NEK7: variants seen among roughly 807,000 people sequenced by gnomAD.
The protein encoded by NEK7 is serine/threonine-protein kinase Nek7.
A neutral mutation model predicts 44.6 loss-of-function variants in NEK7; 18 were observed. The observed-to-expected ratio is 0.40, with a 90% confidence interval of 0.28 to 0.60. The LOEUF is 0.60. Ranked by LOEUF, NEK7 falls within the 20% of genes least tolerant of loss-of-function variation. NEK7 has a pLI of 0.38. For missense variants in NEK7, 256 were observed against 366.5 expected (o/e 0.70, Z 2.46); for synonymous variants, 130 against 121.1 (o/e 1.07, Z -0.48).
At chr1:198,236,502 C>T (rs565721037) in intron 2 of NEK7, among the ~76,000 whole-genome samples, 2 of 152,186 alleles carry the variant, frequency 1.3e-5, no homozygotes, top group Non-Finnish European at 2.9e-5. Context: ...TCCCTACTTT[C>T]CTGGCTCCAA....
rs538439855 is a variant in NEK7 at position 198,271,018 on chromosome 1, A to T, written c.372+6783A>T. ...GTTCCTACTTCCCTCCTGGTTGTCA[A>T]CTGGGGGTATCCTTAGGTTCTTGAG... On this transcript the variant is annotated intron_variant, in intron 5 of 9. Coordinates refer to ENST00000367385, the MANE Select transcript of NEK7 (RefSeq NM_133494.3). Among the ~76,000 whole-genome samples the T allele has an allele frequency of 2.0e-5, 3 of 152,098 alleles. No homozygotes were observed. The South Asian group carries it at 6.2e-4, about 32-fold the overall frequency.
At chr1:198,206,264 A>G (rs761290860) in intron 1 of NEK7, among the ~76,000 whole-genome samples, 17 of 152,200 alleles carry the variant, frequency 1.1e-4, no homozygotes, top group South Asian at 2.1e-4. Flanking sequence ...GGAGTGAGTT[A>G]CAGTAATAAC....
intron 3 of NEK7, 58 bp downstream of exon 3, chr1:198,253,238 G>A: frequency 8.5e-7 from 1 of 1,174,604 alleles, no homozygotes; most frequent in Non-Finnish European, 1.2e-6. Flanking sequence ...AATTATAGAT[G>A]AGAAAAGTAT....
chr1:198,223,352 G>A (rs1333656311), intron 1 of NEK7, among the ~76,000 whole-genome samples: 2 of 152,170 alleles, frequency 1.3e-5, no homozygotes, highest in Admixed American at 6.5e-5. Context: ...TAGAACAAAT[G>A]ATGCATACTG....
intron 1 of NEK7, among the ~76,000 whole-genome samples, chr1:198,169,114 T>G (rs1320837022): frequency 2.6e-5 from 4 of 152,194 alleles, no homozygotes; most frequent in Non-Finnish European, 4.4e-5. Flanking sequence ...GCTCTATGTG[T>G]TAGTTTTTAA....
chr1:198,285,549 G>T (rs911816762), intron 7 of NEK7, among the ~76,000 whole-genome samples: 1 of 152,020 alleles, frequency 6.6e-6, no homozygotes, highest in Non-Finnish European at 1.5e-5. Flanking sequence ...ATCAACATAC[G>T]TTTTTGTGAT....
chr1:198,304,059 A>G (rs957708901), intron 9 of NEK7, among the ~76,000 whole-genome samples: 6 of 152,092 alleles, frequency 3.9e-5, no homozygotes, highest in African/African-American at 1.4e-4. Flanking sequence ...TGAATGTTCT[A>G]TTTTTGTTTA....
In NEK7 at chr1:198,228,994, A is replaced by C. The variant is rs1051854211; in HGVS notation, c.-28-3559A>C. Among the ~76,000 whole-genome samples, 6 of 152,004 alleles carry C rather than the reference A, an allele frequency of 3.9e-5. 1 individual carries two copies. Among genetic ancestry groups the C allele is most frequent in the African/African-American group, 1.4e-4 (6 of 41,416 alleles). On this transcript the variant is annotated intron_variant, in intron 1 of 9. Transcript: ENST00000367385. ...GTTTTTGCCCATTCAGTATGATTGA[A>C]GGTCTTAACACCATTTCAGAAGGCG...
chr1:198,228,424 TG>T (rs1666291040), intron 1 of NEK7, among the ~76,000 whole-genome samples: 2 of 152,148 alleles, frequency 1.3e-5, no homozygotes, highest in Admixed American at 6.5e-5. Flanking sequence ...GGTAGCTTGA[TG>T]GGGATGGCAT....
At chr1:198,180,194 T>G (rs1326679501) in intron 1 of NEK7, among the ~76,000 whole-genome samples, 2 of 151,978 alleles carry the variant, frequency 1.3e-5, no homozygotes, top group African/African-American at 2.4e-5. Flanking sequence ...CTTTTTTTTT[T>G]TGGTGGGGGG....
intron 8 of NEK7, among the ~76,000 whole-genome samples, chr1:198,294,184 G>T (rs1654644511): frequency 6.6e-6 from 1 of 151,726 alleles, no homozygotes; most frequent in Admixed American, 6.6e-5. Flanking sequence ...TAAAATGAAA[G>T]GATTTTTAAA....
chr1:198,288,176 G>C (rs144191592), intron 7 of NEK7, among the ~76,000 whole-genome samples: 1 of 152,282 alleles, frequency 6.6e-6, no homozygotes, highest in African/African-American at 2.4e-5. Flanking sequence ...GGGTGGTTGA[G>C]AGCTGTAAAG....
chr1:198,159,231 C>A (rs1207617950), intron 1 of NEK7, among the ~76,000 whole-genome samples: 1 of 152,024 alleles, frequency 6.6e-6, no homozygotes. Context: ...CGGAGAAGGC[C>A]GCGTTAGTTC....
At chr1:198,233,350 A>G (rs1291618861) in intron 2 of NEK7, among the ~76,000 whole-genome samples, 2 of 152,216 alleles carry the variant, frequency 1.3e-5, no homozygotes, top group African/African-American at 4.8e-5. Flanking sequence ...TGCATTCAGT[A>G]TGAATACTTG....
chr1:198,262,037 G>A (rs1653492055), intron 3 of NEK7, among the ~76,000 whole-genome samples: 1 of 151,890 alleles, frequency 6.6e-6, no homozygotes, highest in South Asian at 2.1e-4. Flanking sequence ...AAGAATGCAT[G>A]CATCAGACCT....
chr1:198,166,229 A>G (rs1263896792), intron 1 of NEK7, among the ~76,000 whole-genome samples: 1 of 152,206 alleles, frequency 6.6e-6, no homozygotes, highest in Non-Finnish European at 1.5e-5. Context: ...TTGTCTTTTT[A>G]TACAGATGTT....
intron 9 of NEK7, among the ~76,000 whole-genome samples, chr1:198,317,834 C>A (rs188678264): frequency 5.7e-5 from 8 of 139,228 alleles, no homozygotes; most frequent in Non-Finnish European, 9.4e-5. Flanking sequence ...TATGTAAGTG[C>A]TTTTCCCACT....
At chr1:198,316,563 A>T (rs1655374150) in intron 9 of NEK7, among the ~76,000 whole-genome samples, 1 of 152,210 alleles carries the variant, frequency 6.6e-6, no homozygotes, top group South Asian at 2.1e-4. Flanking sequence ...CCTTTATCTC[A>T]CAGATATCTC....
chr1:198,314,199 A>T (rs1406039088), intron 9 of NEK7, among the ~76,000 whole-genome samples: 2 of 151,962 alleles, frequency 1.3e-5, no homozygotes, highest in Admixed American at 6.5e-5. Flanking sequence ...TCCATCGCTG[A>T]TACCCTTTCT....
Sources: gnomAD v4.1 joint callset for allele counts (sites outside exome capture counted in the v4.1 genomes callset) on GRCh38, gnomAD v4.1.1 for gene constraint, MANE v1.5 for transcripts, NCBI Gene and HGNC (gene_info 2026-07-23, HGNC 2026-07-21) for gene names.